The following MAP3K20 variants were observed in gnomAD, a reference collection of about 807,000 sequenced individuals.
MAP3K20 encodes the protein mitogen-activated protein kinase kinase kinase 20.
In MAP3K20, 40 loss-of-function variants were observed where a neutral mutation model predicts 85.7. The ratio of observed to expected loss-of-function variants is 0.47; its 90% confidence interval spans 0.36 to 0.61. The LOEUF (loss-of-function observed/expected upper bound fraction) is 0.61, where lower values mean the gene tolerates loss of function less well. Among genes scored for constraint, MAP3K20 ranks in the 20% least tolerant of loss-of-function variants. The probability of loss-of-function intolerance (pLI) is 0.00; values close to 1 mark genes in which losing one functional copy is unlikely to be tolerated. For missense variants in MAP3K20, 817 were observed against 961.7 expected (o/e 0.85, Z 1.99); for synonymous variants, 325 against 327.7 (o/e 0.99, Z 0.09).
rs183034670 is a variant in MAP3K20 at position 173,075,846 on chromosome 2, C to T, written c.-191C>T. The T allele has an allele frequency of 1.0e-6, 1 of 985,182 alleles. No individual in the cohort carries two copies. Among genetic ancestry groups the T allele is most frequent in the East Asian group, 1.1e-4 (1 of 8,804 alleles). 61.0% of individuals were successfully genotyped at this position (985,182 alleles called of 1,614,324 possible). A position where few individuals can be genotyped will look rare whatever the true frequency, so the allele number is the denominator to read the frequency against. On this transcript the variant is annotated 5_prime_UTR_variant, in exon 1 of 20. Coordinates refer to ENST00000375213, the MANE Select transcript of MAP3K20 (RefSeq NM_016653.3). ...TGGTGCTGTTGCCGTGACTGTCTTCCTCATTGGCGCCGTGCAGAGAGGCGG... is the reference window on the plus strand; with the variant it reads ...TGGTGCTGTTGCCGTGACTGTCTTCTTCATTGGCGCCGTGCAGAGAGGCGG...
intron 1 of MAP3K20, among the ~76,000 whole-genome samples, chr2:173,077,734 A>G (rs928019233): frequency 3.9e-5 from 6 of 152,254 alleles, no homozygotes. Flanking sequence ...AAGCAAATAG[A>G]TGATTGATCC....
intron 2 of MAP3K20, among the ~76,000 whole-genome samples, chr2:173,133,075 G>A (rs1006097742): frequency 6.6e-6 from 1 of 152,144 alleles, no homozygotes; most frequent in Non-Finnish European, 1.5e-5. Flanking sequence ...AATTTAGGGA[G>A]TCATCTTTCT....
At chr2:173,101,903 C>A (rs1687648959) in intron 2 of MAP3K20, among the ~76,000 whole-genome samples, 1 of 152,160 alleles carries the variant, frequency 6.6e-6, no homozygotes, top group South Asian at 2.1e-4. Flanking sequence ...GTTAGGACAT[C>A]CAGTTTCTGT....
rs552842802 is a variant in MAP3K20, at chr2:173,163,011, T to A, written c.160-6794T>A. On this transcript the variant is annotated intron_variant, in intron 2 of 19. Transcript: ENST00000375213. Reference sequence around the variant, plus strand: ...TTTCATTCTATACCCATCAACAGGTTGTTGTTGGTATCTTTGCTTTCTTTC... The same window carrying A: ...TTTCATTCTATACCCATCAACAGGTAGTTGTTGGTATCTTTGCTTTCTTTC... Among the ~76,000 whole-genome samples, 24 of 152,348 alleles carry A rather than the reference T, an allele frequency of 1.6e-4. No individual in the cohort carries two copies. In the South Asian group the frequency reaches 5.0e-3, roughly 32 times the overall value.
intron 2 of MAP3K20, among the ~76,000 whole-genome samples, chr2:173,128,138 A>G (rs958371126): frequency 3.9e-5 from 6 of 152,164 alleles, no homozygotes; most frequent in African/African-American, 1.2e-4. Flanking sequence ...AATGATTTCA[A>G]TAATTTATTT....
chr2:173,265,280 G>A (rs1461938274), intron 19 of MAP3K20, among the ~76,000 whole-genome samples: 2 of 152,346 alleles, frequency 1.3e-5, no homozygotes, highest in Admixed American at 6.5e-5. Flanking sequence ...CATGGGTAAC[G>A]TTGTTCAGGC....
intron 10 of MAP3K20, 150 bp from the exon 11 acceptor site, chr2:173,216,965 C>A: frequency 2.8e-6 from 2 of 723,306 alleles, no homozygotes; most frequent in Non-Finnish European, 4.0e-6. Context: ...TATTTAAGGA[C>A]ATGAAAGATT....
At chr2:173,184,969 C>T (rs996733564) in intron 4 of MAP3K20, among the ~76,000 whole-genome samples, 3 of 151,440 alleles carry the variant, frequency 2.0e-5, no homozygotes, top group Non-Finnish European at 4.4e-5. Flanking sequence ...AGGCCAGGCA[C>T]GGTGGCTCAC....
intron 11 of MAP3K20, chr2:173,222,994 T>C: frequency 1.0e-6 from 1 of 985,442 alleles, no homozygotes. Flanking sequence ...TGGGTCTTTT[T>C]ATGGAAGTTT....
intron 12 of MAP3K20, among the ~76,000 whole-genome samples, chr2:173,230,419 C>T (rs1278520123): frequency 1.3e-5 from 2 of 152,132 alleles, no homozygotes; most frequent in East Asian, 1.9e-4. Context: ...ACCGCTGAAC[C>T]GGCTTTCCTT....
intron 16 of MAP3K20, among the ~76,000 whole-genome samples, chr2:173,255,631 T>C (rs1247279030): frequency 6.6e-6 from 1 of 152,112 alleles, no homozygotes; most frequent in Non-Finnish European, 1.5e-5. Context: ...GTTCTGACGG[T>C]GTGCAGAGGA....
chr2:173,213,812 G>A (rs1683986230), intron 10 of MAP3K20, among the ~76,000 whole-genome samples: 1 of 152,298 alleles, frequency 6.6e-6, no homozygotes, highest in African/African-American at 2.4e-5. Flanking sequence ...ATATTACAGG[G>A]CATGATCATT....
At chr2:173,218,237 T>A (rs931628431) in intron 11 of MAP3K20, among the ~76,000 whole-genome samples, 4 of 152,210 alleles carry the variant, frequency 2.6e-5, no homozygotes, top group African/African-American at 9.7e-5. Context: ...TTGCAAAGTA[T>A]TTTCCAGTGT....
At position 173,201,034 on chromosome 2, in the gene MAP3K20, C is replaced by T. The variant is rs1384042961; in HGVS notation, c.670-2762C>T. Among the ~76,000 whole-genome samples, 3 of 152,178 alleles carry T rather than the reference C, an allele frequency of 2.0e-5. No homozygotes were observed. In the East Asian group the frequency reaches 5.8e-4, roughly 29 times the overall value. The stretch of plus-strand genomic sequence containing the variant: ...ACATGTCTGTAGTATACTGTCAAGA[C>T]CAGGCAATTGAGATTGGCGCATTAC... On this transcript the variant is annotated intron_variant, in intron 8 of 19. Coordinates refer to ENST00000375213, the MANE Select transcript of MAP3K20 (RefSeq NM_016653.3).
intron 10 of MAP3K20, among the ~76,000 whole-genome samples, chr2:173,215,223 G>T (rs1684035968): frequency 6.6e-6 from 1 of 152,202 alleles, no homozygotes. Flanking sequence ...GTCGGCAGAA[G>T]CGCTGTGTAG....
At position 173,090,811 on chromosome 2, in the gene MAP3K20, A is replaced by C. The variant is rs916445176; in HGVS notation, c.-34-187A>C. The C allele has an allele frequency of 4.7e-5, 58 of 1,226,334 alleles. No individual in the cohort carries two copies. The South Asian group carries it at 1.3e-3, about 28-fold the overall frequency. The allele number at this position is 1,226,334 out of a possible 1,614,324, so 76.0% of individuals were successfully genotyped here. A position where few individuals can be genotyped will look rare whatever the true frequency, so the allele number is the denominator to read the frequency against. ...CAAAGTCTGGGCAGGTTGTTGTTGAATTTTGCGTGGGCTGCCAGGGTGAGT... is the reference window on the plus strand; with the variant it reads ...CAAAGTCTGGGCAGGTTGTTGTTGACTTTTGCGTGGGCTGCCAGGGTGAGT... On this transcript the variant is annotated intron_variant, in intron 1 of 19. Transcript: ENST00000375213.
intron 1 of MAP3K20, 123 bp downstream of exon 1, chr2:173,076,125 C>A: frequency 1.4e-6 from 1 of 721,196 alleles, no homozygotes; most frequent in Non-Finnish European, 1.7e-6. Context: ...TAGGCGGCCT[C>A]GGGAGGCTCC....
chr2:173,156,390 A>AT (rs1200234374), intron 2 of MAP3K20, among the ~76,000 whole-genome samples: 1 of 152,110 alleles, frequency 6.6e-6, no homozygotes, highest in South Asian at 2.1e-4. Flanking sequence ...AGCATAAGAG[A>AT]TTGAGGTCAG....
In MAP3K20 at chr2:173,266,237, G is replaced by C. The variant is rs750272009; in HGVS notation, c.1890G>C (p.Val630=). The change falls in exon 20 of 20, where the codon GTG becomes GTC. Residue 630 remains valine (V), a synonymous_variant. Transcript: ENST00000375213. ...TTAAGTATCAACAGATTACACCTGT[G>C]AACCAGTCCAGAAGCTCGTCTCCTA... is the stretch of plus-strand genomic sequence containing the variant. ...VPIKYQQITP[V]NQSRSSSPTQ... 2 of 1,614,052 alleles carry C rather than the reference G, an allele frequency of 1.2e-6. No homozygotes were observed. The highest frequency in any genetic ancestry group is 1.7e-5 in the Admixed American group (1 of 59,998).
Sources: gnomAD v4.1 joint callset for allele counts (sites outside exome capture counted in the v4.1 genomes callset) on GRCh38, gnomAD v4.1.1 for gene constraint, MANE v1.5 for transcripts, NCBI Gene and HGNC (gene_info 2026-07-23, HGNC 2026-07-21) for gene names.